Variants in HECW1 observed in about 807,000 individuals in gnomAD.
The protein encoded by HECW1 is E3 ubiquitin-protein ligase HECW1.
Under a neutral mutation model 182.3 loss-of-function variants are expected in HECW1, and 61 were observed. The observed-to-expected ratio is 0.33, with a 90% confidence interval of 0.27 to 0.41. The LOEUF is 0.41. HECW1 is among the 10% of genes least tolerant of loss of function. The pLI is 1.00. For synonymous variants in HECW1, 859 were observed against 832.6 expected (o/e 1.03, Z -0.55); for missense variants, 1,739 against 2,108.9 (o/e 0.82, Z 3.44).
At chr7:43,336,042 CTCCTTCCT>C (rs1362025122) in intron 5 of HECW1, among the ~76,000 whole-genome samples, 2 of 145,130 alleles carry the variant, frequency 1.4e-5, no homozygotes, top group African/African-American at 5.1e-5. Flanking sequence ...TTCTTTCTCT[CTCCTTCCT>C]TCCTTCCTCT....
intron 3 of HECW1, among the ~76,000 whole-genome samples, chr7:43,301,493 A>G (rs1806777999): frequency 6.6e-6 from 1 of 152,224 alleles, no homozygotes; most frequent in Non-Finnish European, 1.5e-5. Flanking sequence ...GCACTGTTTA[A>G]GTCCTCTCTG....
At chr7:43,248,294 C>G (rs966598911) in intron 3 of HECW1, among the ~76,000 whole-genome samples, 3 of 152,146 alleles carry the variant, frequency 2.0e-5, no homozygotes, top group Non-Finnish European at 4.4e-5. Flanking sequence ...CTCCTTCACC[C>G]CATACTCTAC....
At chr7:43,323,396 C>T (rs1221201697) in intron 5 of HECW1, among the ~76,000 whole-genome samples, 1 of 152,004 alleles carries the variant, frequency 6.6e-6, no homozygotes, top group Admixed American at 6.6e-5. Flanking sequence ...GAGTTCGAGA[C>T]CAACCTGGGC....
At chr7:43,369,750 T>A in intron 6 of HECW1, among the ~76,000 whole-genome samples, 1 of 152,218 alleles carries the variant, frequency 6.6e-6, no homozygotes, top group Middle Eastern at 3.2e-3. Context: ...CTCTTCTTTC[T>A]CTGCAGCAGG....
At chr7:43,131,519 A>G (rs1786913989) in intron 2 of HECW1, among the ~76,000 whole-genome samples, 1 of 152,226 alleles carries the variant, frequency 6.6e-6, no homozygotes, top group Non-Finnish European at 1.5e-5. Context: ...TACAGTGTAT[A>G]CAAATCATTG....
In HECW1 at chr7:43,255,847, G is replaced by A. The variant is rs1053942049; in HGVS notation, c.27+11915G>A. 2.6e-5 allele frequency among the ~76,000 whole-genome samples: 4 copies of A among 152,176 alleles called. No homozygotes were observed. The East Asian group carries it at 7.7e-4, about 29-fold the overall frequency. On this transcript the variant is annotated intron_variant, in intron 3 of 29. Coordinates refer to ENST00000395891, the MANE Select transcript of HECW1 (RefSeq NM_015052.5). Reference sequence around the variant, plus strand: ...AGCTCTATGAGCATGCATGAGGGAGGAGGGAGGACTTTATTTGGACTGAAG... The same window carrying A: ...AGCTCTATGAGCATGCATGAGGGAGAAGGGAGGACTTTATTTGGACTGAAG...
At chr7:43,332,030 G>T (rs1811562370) in intron 5 of HECW1, among the ~76,000 whole-genome samples, 1 of 152,170 alleles carries the variant, frequency 6.6e-6, no homozygotes, top group Non-Finnish European at 1.5e-5. Context: ...GGTGACGCAG[G>T]TGGCAGGTGC....
At chr7:43,122,694 C>T (rs1251524960) in intron 2 of HECW1, among the ~76,000 whole-genome samples, 1 of 152,040 alleles carries the variant, frequency 6.6e-6, no homozygotes, top group Non-Finnish European at 1.5e-5. Context: ...TTTCTCCTTT[C>T]TCCCAGGAAA....
intron 8 of HECW1, among the ~76,000 whole-genome samples, chr7:43,415,869 TTCAGCTCCA>T (rs1385747022): frequency 1.5e-5 from 2 of 134,974 alleles, no homozygotes; most frequent in Admixed American, 1.5e-4. Flanking sequence ...AGCCTTGGTT[TTCAGCTCCA>T]TCAGCTCCTT....
intron 6 of HECW1, among the ~76,000 whole-genome samples, chr7:43,362,151 AAGAG>A (rs1225225550): frequency 2.1e-5 from 3 of 144,396 alleles, no homozygotes; most frequent in East Asian, 2.1e-4. Flanking sequence ...AAAAAAAAAA[AAGAG>A]AGAGAGAGAA....
rs371806516 is a variant in HECW1, at chr7:43,444,600, T to C, written c.1428T>C (p.Gly476=). 6.2e-7 allele frequency: 1 copy of C among 1,610,472 alleles called. No individual in the cohort carries two copies. Residue 476 remains glycine (G), a synonymous_variant, in exon 11 of 30, where the codon GGT becomes GGC. Transcript: ENST00000395891. This position sits in a 1 kb window ranked among gnomAD's most constrained non-coding sequence, Gnocchi z 4.3. The part of the protein sequence containing the change: ...EEASALLLED[G]EAPASTKEEP... ...CATCAGCACTGCTGCTGGAAGACGG[T>C]GAAGCCCCAGCCAGCACCAAGGAGG...
intron 3 of HECW1, among the ~76,000 whole-genome samples, chr7:43,252,032 C>T (rs1321992034): frequency 6.6e-6 from 1 of 152,176 alleles, no homozygotes; most frequent in Non-Finnish European, 1.5e-5. Context: ...CCTGTTTCTG[C>T]TGATTCAACC....
At chr7:43,442,969 A>G (rs989425648) in intron 10 of HECW1, among the ~76,000 whole-genome samples, 1 of 152,272 alleles carries the variant, frequency 6.6e-6, no homozygotes, top group Non-Finnish European at 1.5e-5. Context: ...GAATGAATGA[A>G]TGAACGTGAA....
intron 6 of HECW1, among the ~76,000 whole-genome samples, chr7:43,373,089 G>A (rs796589141): frequency 1.2e-4 from 18 of 152,206 alleles, no homozygotes; most frequent in African/African-American, 4.3e-4. Flanking sequence ...CCCCAAACCT[G>A]GAGCAGGAAG....
chr7:43,185,563 G>A (rs914824261), intron 2 of HECW1, among the ~76,000 whole-genome samples: 1 of 152,190 alleles, frequency 6.6e-6, no homozygotes, highest in Non-Finnish European at 1.5e-5. Context: ...GTTTGCTAGA[G>A]AATCCCCTGA....
chr7:43,331,745 T>G (rs547597360), intron 5 of HECW1, among the ~76,000 whole-genome samples: 3 of 152,298 alleles, frequency 2.0e-5, no homozygotes, highest in Non-Finnish European at 4.4e-5. Flanking sequence ...CACTGTTGTA[T>G]CCAGTGAGAA....
At chr7:43,308,997 A>G (rs986917955) in intron 3 of HECW1, among the ~76,000 whole-genome samples, 4 of 152,216 alleles carry the variant, frequency 2.6e-5, no homozygotes, top group African/African-American at 9.6e-5. Flanking sequence ...AATAATTTCT[A>G]TAAATTAAAG....
intron 6 of HECW1, among the ~76,000 whole-genome samples, chr7:43,389,814 G>A (rs571659282): frequency 5.3e-5 from 8 of 151,898 alleles, no homozygotes; most frequent in African/African-American, 1.9e-4. Context: ...CTAAATTTTT[G>A]TAGAGAAAGA....
chr7:43,131,389 G>T (rs181004415), intron 2 of HECW1, among the ~76,000 whole-genome samples: 3 of 152,122 alleles, frequency 2.0e-5, no homozygotes, highest in African/African-American at 7.2e-5. Flanking sequence ...CACACTGCTG[G>T]GCTTTCCAAT....
Sources: allele counts gnomAD v4.1 joint callset (sites outside exome capture counted in the v4.1 genomes callset), GRCh38; gene constraint gnomAD v4.1.1; non-coding constraint Gnocchi (gnomAD v3.1); transcripts MANE v1.5; gene names NCBI Gene and HGNC (gene_info 2026-07-23, HGNC 2026-07-21).